PCDH15: variants seen among roughly 807,000 people sequenced by gnomAD.
The protein encoded by PCDH15 is protocadherin-15.
A neutral mutation model predicts 178.5 loss-of-function variants in PCDH15; 129 were observed. The ratio of observed to expected loss-of-function variants is 0.72; its 90% CI spans 0.63 to 0.84. The LOEUF (loss-of-function observed/expected upper bound fraction) is 0.84. PCDH15 is among the 40% of genes least tolerant of loss of function. PCDH15 has a pLI of 0.00. For missense variants in PCDH15, 2,230 were observed against 2,099.9 expected (o/e 1.06, Z -1.21); for synonymous variants, 800 against 732.0 (o/e 1.09, Z -1.50).
At chr10:54,995,377 G>A (rs534973542) in intron 2 of PCDH15, among the ~76,000 whole-genome samples, 4 of 120,660 alleles carry the variant, frequency 3.3e-5, no homozygotes, top group East Asian at 2.3e-4. Flanking sequence ...CTACGACAGA[G>A]CGAGACTCCG....
chr10:55,353,146 T>C (rs180782306), intron 2 of PCDH15, among the ~76,000 whole-genome samples: 174 of 152,228 alleles, frequency 1.1e-3, no homozygotes, highest in African/African-American at 3.9e-3. Context: ...CTACAACTTT[T>C]TGCAGGGAAA....
At chr10:54,879,182 T>TG (rs1954211734) in intron 3 of PCDH15, among the ~76,000 whole-genome samples, 21 of 149,034 alleles carry the variant, frequency 1.4e-4, no homozygotes, top group African/African-American at 5.2e-4. Context: ...CACGTGCTGT[T>TG]TGTGTGTGTG....
intron 3 of PCDH15, among the ~76,000 whole-genome samples, chr10:54,525,659 A>C (rs566760458): frequency 1.3e-5 from 2 of 152,086 alleles, no homozygotes; most frequent in African/African-American, 4.8e-5. Context: ...GGGTCTTGCC[A>C]TGTTGGCCAG....
chr10:55,228,989 A>G (rs1056153838), intron 1 of PCDH15, among the ~76,000 whole-genome samples: 16 of 151,978 alleles, frequency 1.1e-4, no homozygotes, highest in African/African-American at 3.9e-4. Context: ...TATCAGCAAC[A>G]AAAGTAAAGG....
intron 2 of PCDH15, among the ~76,000 whole-genome samples, chr10:55,493,384 T>C (rs1840465090): frequency 6.6e-6 from 1 of 151,472 alleles, no homozygotes; most frequent in Non-Finnish European, 1.5e-5. Flanking sequence ...GGTGAAAACT[T>C]GTCACTACAA....
chr10:54,963,802 C>A (rs1166882843), intron 2 of PCDH15, among the ~76,000 whole-genome samples: 1 of 152,146 alleles, frequency 6.6e-6, no homozygotes, highest in Non-Finnish European at 1.5e-5. Flanking sequence ...AAATCAAATG[C>A]CCCAATACAA....
At chr10:55,105,032 A>G (rs370981946) in intron 2 of PCDH15, among the ~76,000 whole-genome samples, 37 of 152,322 alleles carry the variant, frequency 2.4e-4, no homozygotes, top group African/African-American at 8.9e-4. Context: ...TATAGTATGT[A>G]CTGCAGTTAA....
intron 15 of PCDH15, among the ~76,000 whole-genome samples, chr10:54,119,375 A>T (rs2095174602): frequency 6.6e-6 from 1 of 152,150 alleles, no homozygotes; most frequent in Admixed American, 6.5e-5. Context: ...AATAGACTGG[A>T]TCTATCAGAT....
At chr10:55,318,742 C>A (rs901881295) in intron 1 of PCDH15, among the ~76,000 whole-genome samples, 2 of 152,052 alleles carry the variant, frequency 1.3e-5, no homozygotes, top group African/African-American at 4.8e-5. Context: ...ACATTTATTT[C>A]CAAACTAAAG....
intron 17 of PCDH15, among the ~76,000 whole-genome samples, chr10:54,077,493 A>T (rs1021627165): frequency 6.6e-6 from 1 of 152,134 alleles, no homozygotes; most frequent in Non-Finnish European, 1.5e-5. Context: ...TTAGTTTCTG[A>T]TTTATAATGT....
At chr10:55,163,057 A>G (rs1839104805) in intron 2 of PCDH15, among the ~76,000 whole-genome samples, 2 of 152,122 alleles carry the variant, frequency 1.3e-5, no homozygotes, top group Non-Finnish European at 2.9e-5. Context: ...ACTCAGAAGC[A>G]CACTCAGTCC....
At chr10:55,070,153 A>T (rs1005966926) in intron 2 of PCDH15, among the ~76,000 whole-genome samples, 2 of 151,138 alleles carry the variant, frequency 1.3e-5, no homozygotes, top group African/African-American at 4.9e-5. Context: ...AATTTGTTTG[A>T]GTTCATTGTA....
intron 8 of PCDH15, among the ~76,000 whole-genome samples, chr10:54,309,488 A>G (rs2060766713): frequency 6.6e-6 from 1 of 152,026 alleles, no homozygotes; most frequent in African/African-American, 2.4e-5. Flanking sequence ...AGTTAATTCA[A>G]TTCAAAATAT....
chr10:54,498,789 C>T (rs2080367098), intron 3 of PCDH15, among the ~76,000 whole-genome samples: 1 of 152,074 alleles, frequency 6.6e-6, no homozygotes, highest in African/African-American at 2.4e-5. Flanking sequence ...ATACCTGAAA[C>T]TGGGTAATTT....
intron 2 of PCDH15, among the ~76,000 whole-genome samples, chr10:55,610,189 A>T (rs1438979408): frequency 6.6e-6 from 1 of 152,124 alleles, no homozygotes; most frequent in Admixed American, 6.5e-5. Context: ...CAATATCAGG[A>T]ACTCCTCAGA....
At chr10:55,159,407 T>C (rs1325494756) in intron 2 of PCDH15, among the ~76,000 whole-genome samples, 2 of 131,736 alleles carry the variant, frequency 1.5e-5, no homozygotes, top group African/African-American at 5.3e-5. Flanking sequence ...ACACATTATA[T>C]ATATTATAAA....
chr10:54,207,348 CA>C (rs2050902679), intron 10 of PCDH15, among the ~76,000 whole-genome samples: 1 of 149,788 alleles, frequency 6.7e-6, no homozygotes, highest in Non-Finnish European at 1.5e-5. Context: ...TGAAGAAACA[CA>C]AATACTGTTT....
chr10:55,459,843 G>A (rs1839634670), intron 2 of PCDH15, among the ~76,000 whole-genome samples: 1 of 151,914 alleles, frequency 6.6e-6, no homozygotes, highest in Non-Finnish European at 1.5e-5. Context: ...GCACTGAAGT[G>A]GCTATGTGAG....
chr10:54,280,004 T>C (rs932429413), intron 8 of PCDH15, among the ~76,000 whole-genome samples: 19 of 151,674 alleles, frequency 1.3e-4, no homozygotes, highest in African/African-American at 4.6e-4. Flanking sequence ...TAATGCAAGA[T>C]CACCATTGTC....
Sources: allele counts gnomAD v4.1 joint callset (sites outside exome capture counted in the v4.1 genomes callset), GRCh38; gene constraint gnomAD v4.1.1; transcripts MANE v1.5; gene names NCBI Gene and HGNC (gene_info 2026-07-23, HGNC 2026-07-21).